KMT2D: variants seen among roughly 807,000 people sequenced by gnomAD.
KMT2D encodes histone-lysine N-methyltransferase 2D.
A neutral mutation model predicts 512.7 loss-of-function variants in KMT2D; 55 were observed. That is an observed-to-expected ratio of 0.11 (90% CI 0.09 to 0.13). The LOEUF (loss-of-function observed/expected upper bound fraction) is 0.13, where lower values mean the gene tolerates loss of function less well. KMT2D is among the 10% of genes least tolerant of loss of function. The probability of loss-of-function intolerance (pLI) is 1.00; values close to 1 mark genes in which losing one functional copy is unlikely to be tolerated. For missense variants in KMT2D, 6,061 were observed against 7,127.9 expected, an observed-to-expected ratio of 0.85 and a Z score of 5.39; for synonymous variants, 2,995 against 2,904.0, an observed-to-expected ratio of 1.03 and a Z score of -1.01.
Position 49,039,460 on chromosome 12 carries a change from C to T in KMT2D, c.8204G>A (p.Gly2735Asp), listed in dbSNP as rs2120511574. ...CTGTGTCCCAGCAAAGGGGGTCTGG[C>T]CTCGACTCAGCTGCTCAAAGGCAGG... is the stretch of plus-strand genomic sequence containing the variant. ...SSPAFEQLSRGQTPFAGTQDK... is the reference protein window; with the variant it reads ...SSPAFEQLSRDQTPFAGTQDK... Residue 2735 changes from glycine to aspartate, a missense_variant, in exon 33 of 55, where the codon GGC (glycine) becomes GAC (aspartate). Gly to Asp is a moderately conservative substitution (Grantham distance 94). Coordinates refer to ENST00000301067, the MANE Select transcript of KMT2D (RefSeq NM_003482.4). This position sits in a 1 kb window ranked among gnomAD's most constrained non-coding sequence, Gnocchi z 5.0. 6.2e-7 allele frequency: 1 copy of T among 1,603,336 alleles called. No individual in the cohort carries two copies. Among genetic ancestry groups the T allele is most frequent in the Non-Finnish European group, 8.5e-7 (1 of 1,173,580 alleles).
In KMT2D at chr12:49,033,884, C is replaced by T. The variant is rs1228319716; in HGVS notation, c.10821G>A (p.Gln3607=). 9 of 1,467,638 alleles carry T rather than the reference C, an allele frequency of 6.1e-6. No individual in the cohort carries two copies. The highest frequency in any genetic ancestry group is 1.4e-5 in the African/African-American group (1 of 70,808). 90.9% of individuals were successfully genotyped at this position (1,467,638 alleles called of 1,614,324 possible). The part of the protein sequence containing the change: ...NKQQQQQQQQ[Q]QQQQQHSAVL... ...CAGCTGAGTGCTGTTGCTGTTGTTG[C>T]TGCTGCTGCTGCTGTTGTTGCTGCT... Residue 3607 remains glutamine, a synonymous_variant, in exon 40 of 55, where the codon CAG becomes CAA. Transcript: ENST00000301067.
In KMT2D at chr12:49,053,610, T is replaced by C. The variant is rs753933861; in HGVS notation, c.705A>G (p.Pro235=). The C allele has an allele frequency of 1.9e-6, 3 of 1,597,486 alleles. No individual in the cohort carries two copies. Among genetic ancestry groups the C allele is most frequent in the Non-Finnish European group, 2.6e-6 (3 of 1,172,494 alleles). ...EEARCAVCEG[P]GELCDLFFCT... is the part of the protein sequence containing the mutation. ...AGAAGAACAGGTCACACAACTCCCC[T>C]GGCCCCTCACACACTGCACAGCGAG... The change falls in exon 7 of 55, where the codon CCA becomes CCG. Residue 235 remains proline (P), a synonymous_variant. Coordinates refer to ENST00000301067, the MANE Select transcript of KMT2D (RefSeq NM_003482.4).
Position 49,059,715 on chromosome 12 carries a change from C to CG in KMT2D, c.-141dup. 1 of 151,822 alleles carries CG rather than the reference C, an allele frequency of 6.6e-6. No homozygotes were observed. The highest frequency in any genetic ancestry group is 1.5e-5 in the Non-Finnish European group (1 of 67,910). The allele number at this position is 151,822 out of a possible 1,614,324, so 9.4% of individuals were successfully genotyped here. On this transcript the variant is annotated 5_prime_UTR_variant, in exon 1 of 55. Coordinates refer to ENST00000301067, the MANE Select transcript of KMT2D (RefSeq NM_003482.4). ...AGAGCGATCACAGCCGCCCCCCGCACGGGGGGGCTTAGGGGGGCCAAGAAC... is the reference window on the plus strand; with the variant it reads ...AGAGCGATCACAGCCGCCCCCCGCACGGGGGGGGCTTAGGGGGGCCAAGAAC...
intron 35 of KMT2D, among the ~76,000 whole-genome samples, chr12:49,036,369 T>C (rs1490287797): frequency 1.3e-5 from 2 of 150,974 alleles, no homozygotes; most frequent in Non-Finnish European, 2.9e-5. Flanking sequence ...TGAAGTGCAA[T>C]GGCGTGATCT....
At chr12:49,027,712 C>T (rs543497817) in intron 48 of KMT2D, 91 bp downstream of exon 48, 111 of 1,492,908 alleles carry the variant, frequency 7.4e-5, no homozygotes, top group South Asian at 1.2e-4. Context: ...GCCTTGCCTC[C>T]CAAAGCACTG....
intron 44 of KMT2D, 65 bp from the exon 45 acceptor site, chr12:49,029,301 G>C (rs757468675): frequency 5.0e-5 from 79 of 1,591,482 alleles, no homozygotes; most frequent in Non-Finnish European, 6.5e-5. Context: ...ATCTAGAGAT[G>C]AATAGATGTC....
intron 14 of KMT2D, 68 bp from the exon 15 acceptor site, chr12:49,048,137 A>G (rs1205127207): frequency 5.6e-6 from 6 of 1,067,384 alleles, no homozygotes; most frequent in South Asian, 5.5e-5. Flanking sequence ...CCAGTCTACT[A>G]TGACGCTACA....
rs768138617 is a variant in KMT2D at position 49,044,413 on chromosome 12, T to C, written c.5073A>G (p.Pro1691=). 10 of 1,613,476 alleles carry C rather than the reference T, an allele frequency of 6.2e-6. No homozygotes were observed. The highest frequency in any genetic ancestry group is 3.3e-4 in the Middle Eastern group (2 of 6,084). ...TEESKKRKRK[P]YRPGIGGFMV... is the part of the protein sequence containing the mutation. ...ATCCCAGGACCTCACCAGGCCGATA[T>C]GGTTTACGCTTGCGTTTTTTGCTTT... The change falls in exon 21 of 55, where the codon CCA becomes CCG. Residue 1691 remains proline (P), a synonymous_variant. Transcript: ENST00000301067. The surrounding 1 kb of genome is among the most constrained non-coding windows in gnomAD (Gnocchi z 6.4).
chr12:49,032,039 T>C lies in KMT2D; in HGVS notation c.12666A>G (p.Leu4222=), dbSNP rs372287694. The change falls in exon 40 of 55, where the codon CTA becomes CTG. Residue 4222 remains leucine (L), a synonymous_variant. Coordinates refer to ENST00000301067, the MANE Select transcript of KMT2D (RefSeq NM_003482.4). ...GCTGCCGCTGCATGAGGAGTGCCTG[T>C]AGCTGCTGCTGCTGCTGAGGACTTA... ...RHLSPQQQQQ[L]QALLMQRQLQ... The C allele has an allele frequency of 1.3e-5, 21 of 1,613,140 alleles. No homozygotes were observed. The highest frequency in any genetic ancestry group is 2.7e-5 in the African/African-American group (2 of 74,938).
At position 49,042,459 on chromosome 12, in the gene KMT2D, G is replaced by A; in HGVS notation, c.5867+102C>T. On this transcript the variant is annotated intron_variant, in intron 28 of 54. Coordinates refer to ENST00000301067, the MANE Select transcript of KMT2D (RefSeq NM_003482.4). The surrounding 1 kb of genome is among the most constrained non-coding windows in gnomAD (Gnocchi z 4.4). ...GTCACTAACAAGGGAATGGGGAGGA[G>A]CAGGGGAAGTGCTGCAGGAGTCCGA... 2 of 1,521,228 alleles carry A rather than the reference G, an allele frequency of 1.3e-6. No individual in the cohort carries two copies. The allele number at this position is 1,521,228 out of a possible 1,614,324, so 94.2% of individuals were successfully genotyped here.
chr12:49,029,861 A>G (rs1267832652), intron 43 of KMT2D, among the ~76,000 whole-genome samples: 1 of 152,076 alleles, frequency 6.6e-6, no homozygotes, highest in African/African-American at 2.4e-5. Context: ...TAGTCATTTA[A>G]TAACTCCATT....
In KMT2D at chr12:49,037,464, G is replaced by A. The variant is rs2120479503; in HGVS notation, c.9892C>T (p.Pro3298Ser). The A allele has an allele frequency of 6.4e-7, 1 of 1,568,998 alleles. No individual in the cohort carries two copies. The highest frequency in any genetic ancestry group is 2.4e-5 in the East Asian group (1 of 42,268). Residue 3298 changes from proline to serine, a missense_variant, in exon 35 of 55, where the codon CCA (proline) becomes TCA (serine). By Grantham distance (74) the Pro-to-Ser change is moderately conservative. This residue lies in a region of KMT2D where 533 missense variants were observed against 539.6 expected (regional missense o/e 0.99). Coordinates refer to ENST00000301067, the MANE Select transcript of KMT2D (RefSeq NM_003482.4). ...AAACTGGGAGAAGAGCCCTCATGTG[G>A]CAAAGACATGGCCTGGGCAGGGCCT... ...APGPAQAMSL[P>S]HEGSSPSLAG... is the part of the protein sequence containing the mutation.
chr12:49,032,052 T>A lies in KMT2D; in HGVS notation c.12653A>T (p.Gln4218Leu). The change falls in exon 40 of 55, where the codon CAG becomes CTG. Residue 4218 changes from glutamine (Q) to leucine (L), a missense_variant. This residue lies in a region of KMT2D where 1,600 missense variants were observed against 1,754.9 expected (regional missense o/e 0.91). Transcript: ENST00000301067. ...NPQLRHLSPQ[Q>L]QQQLQALLMQ... is the part of the protein sequence containing the mutation. ...GAGGAGTGCCTGTAGCTGCTGCTGC[T>A]GCTGAGGACTTAAGTGCCGCAGCTG... 1.9e-6 allele frequency: 3 copies of A among 1,613,648 alleles called. No individual in the cohort carries two copies. Among genetic ancestry groups the A allele is most frequent in the Non-Finnish European group, 1.7e-6 (2 of 1,179,710 alleles).
At chr12:49,028,731 T>G (rs909249051) in intron 46 of KMT2D, 97 bp downstream of exon 46, 1 of 1,493,672 alleles carries the variant, frequency 6.7e-7, no homozygotes, top group Non-Finnish European at 9.2e-7. Flanking sequence ...ACTCAGTACA[T>G]GTGCTTGAAC....
chr12:49,027,201 G>T lies in KMT2D; in HGVS notation c.14765C>A (p.Ala4922Glu), dbSNP rs770123097. ...EEPSPPPSPL[A>E]PSPASPPTEP... ...AGTAGGGGGACTGGCAGGAGAAGGT[G>T]CCAAGGGGGAAGGGGGCGGGGAGGG... Residue 4922 changes from alanine to glutamate, a missense_variant, in exon 49 of 55, where the codon GCA (alanine) becomes GAA (glutamate). Coordinates refer to ENST00000301067, the MANE Select transcript of KMT2D (RefSeq NM_003482.4). 6.6e-7 allele frequency: 1 copy of T among 1,511,662 alleles called. No individual in the cohort carries two copies. Among genetic ancestry groups the T allele is most frequent in the Non-Finnish European group, 8.9e-7 (1 of 1,128,270 alleles). The allele number at this position is 1,511,662 out of a possible 1,614,324, so 93.6% of individuals were successfully genotyped here.
rs376483324 is a variant in KMT2D, at chr12:49,040,692, G to C, written c.7078C>G (p.Pro2360Ala). Residue 2360 changes from proline (P) to alanine (A), a missense_variant, in exon 32 of 55, where the codon CCT becomes GCT. Coordinates refer to ENST00000301067, the MANE Select transcript of KMT2D (RefSeq NM_003482.4). ...ATGTCTGGGTGACTTGGAGGAGAAG[G>C]TGCCAAAGCCTGGGCAGGGGGTGGC... Reference protein sequence around the residue: ...QEPPPAQALAPSPPSHPDIFR... With the variant: ...QEPPPAQALAASPPSHPDIFR... 92 of 1,613,698 alleles carry C rather than the reference G, an allele frequency of 5.7e-5. No individual in the cohort carries two copies. The African/African-American group carries it at 1.2e-3, about 21-fold the overall frequency.
chr12:49,054,931 G>A lies in KMT2D; in HGVS notation c.145C>T (p.Pro49Ser). 1 of 1,613,972 alleles carries A rather than the reference G, an allele frequency of 6.2e-7. No individual in the cohort carries two copies. The highest frequency in any genetic ancestry group is 1.1e-5 in the South Asian group (1 of 91,080). ...TCCTGAGGAGTCTCCTGAAGCCTGG[G>A]ACTCCCAGAACTAAGGACAGAGACC... ...GEVSVLSSGSPRLQETPQDCS... is the reference protein window; with the variant it reads ...GEVSVLSSGSSRLQETPQDCS... The change falls in exon 3 of 55, where the codon CCC becomes TCC. Residue 49 changes from proline (P) to serine (S), a missense_variant. Coordinates refer to ENST00000301067, the MANE Select transcript of KMT2D (RefSeq NM_003482.4). This position sits in a 1 kb window ranked among gnomAD's most constrained non-coding sequence, Gnocchi z 6.4.
rs760369709 is a variant in KMT2D, at chr12:49,024,935, G to A, written c.15796C>T (p.Arg5266Cys). 8.2e-6 allele frequency: 13 copies of A among 1,592,942 alleles called. No individual in the cohort carries two copies. Among genetic ancestry groups the A allele is most frequent in the East Asian group, 2.3e-5 (1 of 43,778 alleles). Reference protein sequence around the residue: ...TDASPQAVWNRIIEPVAAMRK... With the variant: ...TDASPQAVWNCIIEPVAAMRK... ...ATGGCAGCCACAGGCTCAATGATGC[G>A]ATTCCACACGGCTAAGAAGCAGGGA... Residue 5266 changes from arginine to cysteine, a missense_variant, in exon 50 of 55, where the codon CGC becomes TGC. Around this residue, in one of 16 missense-constraint regions of KMT2D, gnomAD observed 261 missense variants for 440.7 expected, o/e 0.59. Transcript: ENST00000301067. The surrounding 1 kb of genome is among the most constrained non-coding windows in gnomAD (Gnocchi z 4.5).
Position 49,034,905 on chromosome 12 carries a change from A to G in KMT2D, c.10262T>C (p.Ile3421Thr), listed in dbSNP as rs377548063. ...DLDKFAAEDIIDPIAKAKMVA... is the reference protein window; with the variant it reads ...DLDKFAAEDITDPIAKAKMVA... ...CATCTTGGCCTTTGCAATGGGATCAATGATATCTTCTGCAGCAAATTTGTC... is the reference window on the plus strand; with the variant it reads ...CATCTTGGCCTTTGCAATGGGATCAGTGATATCTTCTGCAGCAAATTTGTC... The change falls in exon 36 of 55, where the codon ATT becomes ACT. Residue 3421 changes from isoleucine to threonine, a missense_variant. By Grantham distance (89) the Ile-to-Thr change is moderately conservative. This residue lies in a region of KMT2D where 533 missense variants were observed against 539.6 expected (regional missense o/e 0.99). Transcript: ENST00000301067. The G allele has an allele frequency of 8.7e-6, 14 of 1,613,904 alleles. No homozygotes were observed. The highest frequency in any genetic ancestry group is 1.3e-5 in the African/African-American group (1 of 74,936).
Sources: gnomAD v4.1 joint callset for allele counts (sites outside exome capture counted in the v4.1 genomes callset) on GRCh38, gnomAD v4.1.1 for gene constraint, gnomAD v4.1.1 regional missense constraint, Gnocchi (gnomAD v3.1) non-coding constraint, MANE v1.5 for transcripts, NCBI Gene and HGNC (gene_info 2026-07-23, HGNC 2026-07-21) for gene names.